The following ACSBG1 variants were observed in gnomAD, a reference collection of about 807,000 sequenced individuals.
ACSBG1 encodes the protein acyl-CoA synthetase bubblegum family member 1.
Under a neutral mutation model 80.2 loss-of-function variants are expected in ACSBG1, and 39 were observed. That is an observed-to-expected ratio of 0.49 (90% CI 0.38 to 0.64). The LOEUF (loss-of-function observed/expected upper bound fraction) is 0.64, where lower values mean the gene tolerates loss of function less well. Ranked by LOEUF, ACSBG1 falls within the 30% of genes least tolerant of loss-of-function variation. The pLI is 0.00. For missense variants in ACSBG1, 828 were observed against 966.4 expected, an observed-to-expected ratio of 0.86 and a Z score of 1.90; for synonymous variants, 392 against 379.5, an observed-to-expected ratio of 1.03 and a Z score of -0.38.
In ACSBG1 at chr15:78,194,644, C is replaced by A; in HGVS notation, c.315G>T (p.Val105=). ...DPSCPQLPYT[V]HRMFYEALDK... ...CCAGGGCCTCGTAGAACATCCGATG[C>A]ACAGTGTAGGGAAGCTGTGGGCAGC... is the stretch of plus-strand genomic sequence containing the variant. Residue 105 remains valine, a synonymous_variant, in exon 3 of 14, where the codon GTG becomes GTT. Transcript: ENST00000258873. 6.2e-7 allele frequency: 1 copy of A among 1,614,242 alleles called. No homozygotes were observed. Among genetic ancestry groups the A allele is most frequent in the East Asian group, 2.2e-5 (1 of 44,884 alleles).
At chr15:78,204,110 C>T (rs1270413088) in intron 2 of ACSBG1, among the ~76,000 whole-genome samples, 3 of 152,222 alleles carry the variant, frequency 2.0e-5, no homozygotes, top group East Asian at 1.9e-4. Context: ...CTGCCACTCC[C>T]GGCCTTCTCA....
chr15:78,222,274 T>C (rs2075365170), intron 1 of ACSBG1, among the ~76,000 whole-genome samples: 1 of 152,158 alleles, frequency 6.6e-6, no homozygotes, highest in African/African-American at 2.4e-5. Flanking sequence ...AGTAGTAGAT[T>C]TGTGGTTTCT....
At chr15:78,203,579 T>A (rs1056170748) in intron 2 of ACSBG1, among the ~76,000 whole-genome samples, 9 of 152,198 alleles carry the variant, frequency 5.9e-5, no homozygotes, top group Non-Finnish European at 8.8e-5. Context: ...TTGTATCTTA[T>A]CAATCCACCC....
chr15:78,219,481 C>A (rs1385240831), intron 1 of ACSBG1, among the ~76,000 whole-genome samples: 5 of 149,868 alleles, frequency 3.3e-5, no homozygotes, highest in African/African-American at 1.2e-4. Context: ...AGAGAGAGAA[C>A]TATTTTTAAC....
At chr15:78,189,647 G>C (rs1323518516) in intron 5 of ACSBG1, among the ~76,000 whole-genome samples, 1 of 148,054 alleles carries the variant, frequency 6.8e-6, no homozygotes, top group East Asian at 2.1e-4. Context: ...ACAGGAAGGG[G>C]AACATCACAC....
chr15:78,172,828 A>G lies in ACSBG1; in HGVS notation c.2089+765T>C, dbSNP rs1370341870. 1.3e-5 allele frequency among the ~76,000 whole-genome samples: 2 copies of G among 152,204 alleles called. No individual in the cohort carries two copies. The highest frequency in any genetic ancestry group is 2.9e-5 in the Non-Finnish European group (2 of 68,040). The stretch of plus-strand genomic sequence containing the variant: ...GTGACTTCAGCTGAGGCTGCACCAG[A>G]GCCCTCTCCTGGTTCTGTGGGCAGT... On this transcript the variant is annotated intron_variant, in intron 13 of 13. Transcript: ENST00000258873. The surrounding 1 kb of genome is among the most constrained non-coding windows in gnomAD (Gnocchi z 4.1).
chr15:78,175,438 G>A (rs78073899), intron 11 of ACSBG1, among the ~76,000 whole-genome samples: 1,609 of 152,308 alleles, frequency 0.011, 25 homozygotes, highest in African/African-American at 0.036. Flanking sequence ...AGTGCAGCGG[G>A]GCAGTGAGAC....
At position 78,180,918 on chromosome 15, in the gene ACSBG1, G is replaced by A. The variant is rs757842128; in HGVS notation, c.1090C>T (p.Leu364=). 3 of 1,614,118 alleles carry A rather than the reference G, an allele frequency of 1.9e-6. No individual in the cohort carries two copies. The highest frequency in any genetic ancestry group is 3.3e-5 in the Admixed American group (2 of 60,026). The change falls in exon 9 of 14, where the codon CTG becomes TTG. Residue 364 remains leucine (L), a synonymous_variant. Transcript: ENST00000258873. ...DALKGSLVNT[L]REVEPTSHMG... is the part of the protein sequence containing the mutation. ...TGTGATGTGGGCTCCACCTCCCGCA[G>A]CGTGTTCACCAGGCTCCCCTGTTCA...
rs186449282 is a variant in ACSBG1, at chr15:78,204,553, G to A, written c.232+3449C>T. Among the ~76,000 whole-genome samples the A allele has an allele frequency of 5.1e-3, 781 of 152,316 alleles. 4 individuals carry two copies. Among genetic ancestry groups the A allele is most frequent in the Non-Finnish European group, 5.2e-3 (355 of 68,030 alleles). ...GCTGGGTGGGTGCCTTGACCCCTGCGGAAAATGTTTCTCTGAGGACCCCCA... is the reference window on the plus strand; with the variant it reads ...GCTGGGTGGGTGCCTTGACCCCTGCAGAAAATGTTTCTCTGAGGACCCCCA... On this transcript the variant is annotated intron_variant, in intron 2 of 13. Transcript: ENST00000258873.
chr15:78,194,343 G>A (rs994795608), intron 3 of ACSBG1, among the ~76,000 whole-genome samples, 163 bp downstream of exon 3: 9 of 152,220 alleles, frequency 5.9e-5, no homozygotes, highest in Non-Finnish European at 8.8e-5. Context: ...AGCTCAGTAC[G>A]GGGCCCAGCA....
At chr15:78,188,935 A>G (rs1200171876) in intron 5 of ACSBG1, among the ~76,000 whole-genome samples, 41 of 142,908 alleles carry the variant, frequency 2.9e-4, no homozygotes, top group Middle Eastern at 3.6e-3. Context: ...ACAAAGGGCT[A>G]ATATCCAGAA....
At chr15:78,223,282 G>T (rs181918435) in intron 1 of ACSBG1, among the ~76,000 whole-genome samples, 224 of 150,974 alleles carry the variant, frequency 1.5e-3, no homozygotes, top group African/African-American at 5.2e-3. Context: ...CCTGTTGGGG[G>T]GTGGGGTGGG....
chr15:78,168,792 A>T lies in ACSBG1; in HGVS notation c.*2652T>A. The stretch of plus-strand genomic sequence containing the variant: ...GGTGGTGGAGTGGTTCCTCACTTTG[A>T]AATGAGGAACTAAATGAAAGAGCAG... On this transcript the variant is annotated 3_prime_UTR_variant, in exon 14 of 14. Transcript: ENST00000258873. The T allele has an allele frequency of 1.5e-6, 1 of 646,846 alleles. No individual in the cohort carries two copies. The allele number at this position is 646,846 out of a possible 1,614,324, so 40.1% of individuals were successfully genotyped here. A position where few individuals can be genotyped will look rare whatever the true frequency, so the allele number is the denominator to read the frequency against.
In ACSBG1 at chr15:78,234,481, A is replaced by AGC; in HGVS notation, c.19_20dup (p.Gly8LeufsTer26). 1 of 1,611,886 alleles carries AGC rather than the reference A, an allele frequency of 6.2e-7. No homozygotes were observed. Among genetic ancestry groups the AGC allele is most frequent in the Non-Finnish European group, 8.5e-7 (1 of 1,179,876 alleles). On this transcript the variant is annotated frameshift_variant, in exon 1 of 14. Coordinates refer to ENST00000258873, the MANE Select transcript of ACSBG1 (RefSeq NM_015162.5). LOFTEE classifies it high-confidence loss of function. ...GGTCCCCGTGTGGGCAGCCGTATCCAGCTCCAGAATTGCGTGGCATCTGCC... is the reference window on the plus strand; with the variant it reads ...GGTCCCCGTGTGGGCAGCCGTATCCAGCGCTCCAGAATTGCGTGGCATCTGCC...
rs1165381568 is a variant in ACSBG1, at chr15:78,193,483, T to C, written c.663+23A>G. On this transcript the variant is annotated intron_variant, in intron 5 of 13. Transcript: ENST00000258873. ...TGGGGATACCCAGCATCTGACCCCATGCCCACTGCCTCTTCCCCAAACCTT... is the reference window on the plus strand; with the variant it reads ...TGGGGATACCCAGCATCTGACCCCACGCCCACTGCCTCTTCCCCAAACCTT... 14 of 1,595,342 alleles carry C rather than the reference T, an allele frequency of 8.8e-6. No homozygotes were observed. The Admixed American group carries it at 1.2e-4, about 14-fold the overall frequency.
In ACSBG1 at chr15:78,169,277, C is replaced by A; in HGVS notation, c.*2167G>T. ...AACTCTGAGTGGACTGTATCATTTG[C>A]TATTCTAAACCATTTTACACTTAAG... is the stretch of plus-strand genomic sequence containing the variant. On this transcript the variant is annotated 3_prime_UTR_variant, in exon 14 of 14. Coordinates refer to ENST00000258873, the MANE Select transcript of ACSBG1 (RefSeq NM_015162.5). 3.8e-6 allele frequency: 1 copy of A among 265,356 alleles called. No homozygotes were observed. The highest frequency in any genetic ancestry group is 7.0e-6 in the Non-Finnish European group (1 of 142,024). The allele number at this position is 265,356 out of a possible 1,614,324, so 16.4% of individuals were successfully genotyped here. A position where few individuals can be genotyped will look rare whatever the true frequency, so the allele number is the denominator to read the frequency against.
chr15:78,200,625 G>A (rs910745259), intron 2 of ACSBG1, among the ~76,000 whole-genome samples: 2 of 152,076 alleles, frequency 1.3e-5, no homozygotes, highest in Non-Finnish European at 2.9e-5. Context: ...GTTCCCACAG[G>A]GGTGCTGCCT....
chr15:78,207,917 T>TCCCCCCCACCACCCCCCCCCCCCCCCCAC, intron 2 of ACSBG1, 85 bp downstream of exon 2: 2 of 876,064 alleles, frequency 2.3e-6, no homozygotes, highest in Non-Finnish European at 1.8e-6. Context: ...TGTGTGGTGG[T>TCCCCCCCACCACCCCCCCCCCCCCCCCAC]CCCCCACACC....
At chr15:78,224,920 T>C (rs565337796) in intron 1 of ACSBG1, among the ~76,000 whole-genome samples, 8 of 152,142 alleles carry the variant, frequency 5.3e-5, no homozygotes, top group Admixed American at 2.0e-4. Context: ...GGAAAATGAC[T>C]GGAAAGGAAG....
Sources: allele counts gnomAD v4.1 joint callset (sites outside exome capture counted in the v4.1 genomes callset), GRCh38; gene constraint gnomAD v4.1.1; non-coding constraint Gnocchi (gnomAD v3.1); transcripts MANE v1.5; gene names NCBI Gene and HGNC (gene_info 2026-07-23, HGNC 2026-07-21).